Variants in SMC3 observed in about 807,000 individuals in gnomAD.
SMC3 encodes the protein structural maintenance of chromosomes 3.
SMC3 carries 20 observed loss-of-function variants against 171.8 expected under a neutral mutation model. The observed-to-expected ratio is 0.12, with a 90% CI of 0.08 to 0.17. The LOEUF (loss-of-function observed/expected upper bound fraction) is 0.17, where lower values mean the gene tolerates loss of function less well. Ranked by LOEUF, SMC3 falls within the 10% of genes least tolerant of loss-of-function variation. The pLI is 1.00. For synonymous variants in SMC3, 464 were observed against 451.1 expected (o/e 1.03, Z -0.36); for missense variants, 543 against 1,420.4 (o/e 0.38, Z 9.93).
chr10:110,593,049 C>G (rs1861233839), intron 17 of SMC3, 24 bp from the exon 18 acceptor site: 1 of 1,599,274 alleles, frequency 6.3e-7, no homozygotes, highest in African/African-American at 1.3e-5. Flanking sequence ...TGTGATCTCT[C>G]TGTTGACAAA....
In SMC3 at chr10:110,594,988, CTCTTT is replaced by C. The variant is rs1276576146; in HGVS notation, c.1964-1409_1964-1405del. Reference sequence around the variant, plus strand: ...AAATCAAGTATGCATATAGTGTCTTCTCTTTATTTTTTTTTTTTGAGATGGAGTTT... The same window carrying C: ...AAATCAAGTATGCATATAGTGTCTTCATTTTTTTTTTTTGAGATGGAGTTT... On this transcript the variant is annotated intron_variant, in intron 18 of 28. Transcript: ENST00000361804. 2.1e-5 allele frequency among the ~76,000 whole-genome samples: 3 copies of C among 145,930 alleles called. No individual in the cohort carries two copies. The Admixed American group carries it at 2.1e-4, about 10-fold the overall frequency.
At chr10:110,568,807 AAATG>A in intron 1 of SMC3, 127 bp from the exon 2 acceptor site, 1 of 654,234 alleles carries the variant, frequency 1.5e-6, no homozygotes, top group Non-Finnish European at 2.7e-6. Flanking sequence ...CCACTTTCCA[AAATG>A]AATTTTTCTT....
intron 28 of SMC3, among the ~76,000 whole-genome samples, 178 bp downstream of exon 28, chr10:110,603,468 G>A (rs532385913): frequency 6.6e-5 from 10 of 152,188 alleles, no homozygotes; most frequent in East Asian, 1.9e-4. Flanking sequence ...ATTTTATGGC[G>A]TTGCATTGGT....
At chr10:110,577,993 G>A in intron 6 of SMC3, 79 bp downstream of exon 6, 1 of 991,364 alleles carries the variant, frequency 1.0e-6, no homozygotes, top group East Asian at 2.5e-5. Context: ...GGCCAGGTTG[G>A]TCTCGAACTC....
chr10:110,582,786 A>T (rs1261849075), intron 10 of SMC3, 144 bp downstream of exon 10: 1 of 690,112 alleles, frequency 1.4e-6, no homozygotes, highest in East Asian at 2.8e-5. Context: ...CTCTTGCCGC[A>T]GCTTCCTGAA....
At chr10:110,568,595 G>A (rs138060113) in intron 1 of SMC3, 6,449 of 277,388 alleles carry the variant, frequency 0.023, 102 homozygotes, top group Admixed American at 0.049. Flanking sequence ...GGAGAGCTGG[G>A]GCCCGTCGGC....
chr10:110,587,562 T>C (rs1350476972), intron 13 of SMC3, among the ~76,000 whole-genome samples: 1 of 151,992 alleles, frequency 6.6e-6, no homozygotes, highest in African/African-American at 2.4e-5. Flanking sequence ...GGCGGGCGCC[T>C]GTAGTGCCAG....
intron 2 of SMC3, among the ~76,000 whole-genome samples, chr10:110,571,495 C>T (rs1480750967): frequency 2.6e-5 from 4 of 152,248 alleles, no homozygotes; most frequent in Non-Finnish European, 5.9e-5. Flanking sequence ...TTTTCTACAT[C>T]TGGCATTGAT....
chr10:110,576,250 C>T (rs114101038), intron 4 of SMC3, among the ~76,000 whole-genome samples: 188 of 152,310 alleles, frequency 1.2e-3, no homozygotes, highest in African/African-American at 4.4e-3. Flanking sequence ...ATGGTTTCTA[C>T]TGAATGTAGA....
At chr10:110,594,250 AT>A (rs1861259013) in intron 18 of SMC3, among the ~76,000 whole-genome samples, 1 of 151,586 alleles carries the variant, frequency 6.6e-6, no homozygotes. Flanking sequence ...ATTCAACACA[AT>A]TTTTAATGCA....
rs1288682257 is a variant in SMC3, at chr10:110,602,681, A to G, written c.3297+16A>G. ...TGGAATTAGGGTAAAATACCTTTAT[A>G]TTCCATTTTCCTCAGAGCATTACCA... On this transcript the variant is annotated intron_variant, in intron 26 of 28. Transcript: ENST00000361804. 2 of 1,606,400 alleles carry G rather than the reference A, an allele frequency of 1.2e-6. No homozygotes were observed. Among genetic ancestry groups the G allele is most frequent in the Admixed American group, 3.3e-5 (2 of 60,008 alleles).
chr10:110,568,863 C>T, intron 1 of SMC3, 75 bp from the exon 2 acceptor site: 4 of 752,378 alleles, frequency 5.3e-6, no homozygotes, highest in Non-Finnish European at 8.6e-6. Context: ...AAATGAAAAA[C>T]AAGAAAGAAA....
chr10:110,574,586 T>G lies in SMC3; in HGVS notation c.131-750T>G, dbSNP rs537307315. On this transcript the variant is annotated intron_variant, in intron 3 of 28. Transcript: ENST00000361804. ...GAGAATGGACTGAAGTGGAAGTATT[T>G]CAGAATCTCCAGGGCAGTGTGAAGT... Among the ~76,000 whole-genome samples the G allele has an allele frequency of 2.6e-5, 4 of 152,300 alleles. 1 individual carries two copies. The South Asian group carries it at 8.3e-4, about 32-fold the overall frequency.
chr10:110,598,002 T>C, intron 19 of SMC3, 137 bp from the exon 20 acceptor site: 1 of 756,844 alleles, frequency 1.3e-6, no homozygotes, highest in Non-Finnish European at 2.2e-6. Flanking sequence ...CAGCATTGTT[T>C]TGGTCCATAA....
chr10:110,603,359 GTTAC>G (rs1386234348), intron 28 of SMC3, 69 bp downstream of exon 28: 7 of 1,013,392 alleles, frequency 6.9e-6, no homozygotes, highest in South Asian at 2.8e-5. Context: ...CTGATTTTAT[GTTAC>G]TTAAATAGTG....
intron 4 of SMC3, among the ~76,000 whole-genome samples, 197 bp from the exon 5 acceptor site, chr10:110,577,223 TG>T (rs1325853808): frequency 6.6e-6 from 1 of 152,134 alleles, no homozygotes; most frequent in Non-Finnish European, 1.5e-5. Context: ...ACTATAACTC[TG>T]GGGATATCCC....
intron 7 of SMC3, among the ~76,000 whole-genome samples, chr10:110,580,466 G>A (rs1041708613): frequency 4.6e-5 from 7 of 152,272 alleles, no homozygotes; most frequent in Non-Finnish European, 5.9e-5. Context: ...AGTTATGACC[G>A]TAACAGTTGT....
In SMC3 at chr10:110,603,260, C is replaced by G; in HGVS notation, c.3552C>G (p.Asp1184Glu). ...GGCCTGAACTGCTTGAGTCAGCTGACAAATTCTATGGTGTAAAGTTCAGAA... is the reference window on the plus strand; with the variant it reads ...GGCCTGAACTGCTTGAGTCAGCTGAGAAATTCTATGGTGTAAAGTTCAGAA... ...TFRPELLESA[D>E]KFYGVKFRNK... The change falls in exon 28 of 29, where the codon GAC becomes GAG. Residue 1184 changes from aspartate (D) to glutamate (E), a missense_variant. Around this residue, in one of 8 missense-constraint regions of SMC3, gnomAD observed 31 missense variants for 150.9 expected, o/e 0.21. Transcript: ENST00000361804. 1 of 1,603,576 alleles carries G rather than the reference C, an allele frequency of 6.2e-7. No homozygotes were observed. The highest frequency in any genetic ancestry group is 2.2e-5 in the East Asian group (1 of 44,794).
intron 23 of SMC3, 81 bp from the exon 24 acceptor site, chr10:110,601,556 T>G (rs1202113732): frequency 6.9e-7 from 1 of 1,443,882 alleles, no homozygotes; most frequent in Non-Finnish European, 9.5e-7. Context: ...TTTTGGTAGG[T>G]TTGATCATAA....
Sources: allele counts gnomAD v4.1 joint callset (sites outside exome capture counted in the v4.1 genomes callset), GRCh38; gene constraint gnomAD v4.1.1; regional missense constraint gnomAD v4.1.1; transcripts MANE v1.5; gene names NCBI Gene and HGNC (gene_info 2026-07-23, HGNC 2026-07-21).